SIPA1: variants seen among roughly 807,000 people sequenced by gnomAD.
SIPA1 encodes the protein signal-induced proliferation-associated 1.
SIPA1 carries 51 observed loss-of-function variants against 88.1 expected under a neutral mutation model. The ratio of observed to expected loss-of-function variants is 0.58; its 90% CI spans 0.46 to 0.73. The LOEUF (loss-of-function observed/expected upper bound fraction) is 0.73, where lower values mean the gene tolerates loss of function less well. Among genes scored for constraint, SIPA1 ranks in the 30% least tolerant of loss-of-function variants. SIPA1 has a pLI of 0.00. For missense variants in SIPA1, 1,348 were observed against 1,467.6 expected, an observed-to-expected ratio of 0.92 and a Z score of 1.33; for synonymous variants, 681 against 664.8, an observed-to-expected ratio of 1.02 and a Z score of -0.37.
rs1590916987 is a variant in SIPA1, at chr11:65,640,830, G to A, written c.-91-1G>A. 3 of 1,194,408 alleles carry A rather than the reference G, an allele frequency of 2.5e-6. No homozygotes were observed. Among genetic ancestry groups the A allele is most frequent in the Non-Finnish European group, 2.3e-6 (2 of 888,598 alleles). 74.0% of individuals were successfully genotyped at this position (1,194,408 alleles called of 1,614,324 possible). On this transcript the variant is annotated splice_acceptor_variant, in intron 1 of 15. Transcript: ENST00000534313. LOFTEE classifies it low-confidence loss of function (5UTR_SPLICE). The stretch of plus-strand genomic sequence containing the variant: ...CTCTGAGCAGCCCCCTCCTCCTTCA[G>A]GGCAGGAACTGCTGCCACAACCTCA...
intron 5 of SIPA1, 116 bp from the exon 6 acceptor site, chr11:65,645,738 T>C (rs1228706614): frequency 3.1e-6 from 2 of 645,732 alleles, no homozygotes; most frequent in South Asian, 2.1e-5. Flanking sequence ...GCATGACTGG[T>C]TGTCCACCTG....
chr11:65,650,320 T>C, intron 14 of SIPA1, 81 bp from the exon 15 acceptor site: 1 of 1,552,574 alleles, frequency 6.4e-7, no homozygotes, highest in South Asian at 1.1e-5. Context: ...GCGGGGCCCC[T>C]CTCATTAGCT....
chr11:65,645,955 CAGGTGTGAGGGGGA>C lies in SIPA1; in HGVS notation c.1262_1263+12del, dbSNP rs1162476060. On this transcript the variant is annotated splice_donor_variant and splice_donor_5th_base_variant and coding_sequence_variant and intron_variant, in exon 6 of 16. Transcript: ENST00000534313. LOFTEE classifies it high-confidence loss of function. ...GCCTTACACCCCTAATAACCAGCAG[CAGGTGTGAGGGGGA>C]CCAACGTGGGGGTGGGGCTTCCGGG... 6.2e-7 allele frequency: 1 copy of C among 1,609,346 alleles called. No individual in the cohort carries two copies.
At chr11:65,647,194 G>A (rs1216572248) in intron 8 of SIPA1, 129 bp downstream of exon 8, 3 of 1,409,644 alleles carry the variant, frequency 2.1e-6, no homozygotes, top group Admixed American at 6.0e-5. Context: ...AGCCAGCCCC[G>A]GGGCTTGGCA....
chr11:65,645,975 G>A lies in SIPA1; in HGVS notation c.1263+18G>A, dbSNP rs1315335807. The A allele has an allele frequency of 1.3e-6, 2 of 1,570,154 alleles. No homozygotes were observed. The highest frequency in any genetic ancestry group is 3.4e-5 in the Admixed American group (2 of 58,344). On this transcript the variant is annotated intron_variant, in intron 6 of 15. Coordinates refer to ENST00000534313, the MANE Select transcript of SIPA1 (RefSeq NM_006747.4). ...AGCAGCAGGTGTGAGGGGGACCAAC[G>A]TGGGGGTGGGGCTTCCGGGAACCAT...
At position 65,650,020 on chromosome 11, in the gene SIPA1, C is replaced by A; in HGVS notation, c.2817C>A (p.Cys939Ter). 6.2e-7 allele frequency: 1 copy of A among 1,613,968 alleles called. No homozygotes were observed. The highest frequency in any genetic ancestry group is 8.5e-7 in the Non-Finnish European group (1 of 1,179,990). Reference sequence around the variant, plus strand: ...CCATCTCGGAGATTGCCTCTACTTGCAACACCATTCTGGAGTCGCTGTCCC... The same window carrying A: ...CCATCTCGGAGATTGCCTCTACTTGAAACACCATTCTGGAGTCGCTGTCCC... ...WQAISEIAST[C>*]NTILESLSRE... The change falls in exon 13 of 16, where the codon TGC (cysteine) becomes TGA (stop). Residue 939 changes from cysteine to a stop codon, truncating the protein, a stop_gained. Coordinates refer to ENST00000534313, the MANE Select transcript of SIPA1 (RefSeq NM_006747.4). LOFTEE classifies it high-confidence loss of function.
rs760827950 is a variant in SIPA1, at chr11:65,646,448, C to T, written c.1422-8C>T. On this transcript the variant is annotated splice_region_variant and splice_polypyrimidine_tract_variant and intron_variant, in intron 7 of 15. Coordinates refer to ENST00000534313, the MANE Select transcript of SIPA1 (RefSeq NM_006747.4). The surrounding 1 kb of genome is among the most constrained non-coding windows in gnomAD (Gnocchi z 7.5). ...TGCCGCCCCTCACTAACGCCTCCCT[C>T]CCCGCAGGGTGGCCGTGAGCCGCAC... The T allele has an allele frequency of 2.5e-6, 4 of 1,589,300 alleles. No individual in the cohort carries two copies. Among genetic ancestry groups the T allele is most frequent in the East Asian group, 2.3e-5 (1 of 44,378 alleles).
chr11:65,646,757 CTGCAGGCAGCGGGCTCACTG>C lies in SIPA1; in HGVS notation c.1724_1743del (p.Leu575ArgfsTer202), dbSNP rs894037593. The C allele has an allele frequency of 6.7e-7, 1 of 1,496,236 alleles. No homozygotes were observed. The highest frequency in any genetic ancestry group is 1.4e-5 in the African/African-American group (1 of 70,308). 92.7% of individuals were successfully genotyped at this position (1,496,236 alleles called of 1,614,324 possible). A position where few individuals can be genotyped will look rare whatever the true frequency, so the allele number is the denominator to read the frequency against. ...GGCCCCTCGGGGCCCAGGCGCCGAGCTGCAGGCAGCGGGCTCACTGGTGTGGGGAGTGCGCGCGGCGCCCG... is the reference window on the plus strand; with the variant it reads ...GGCCCCTCGGGGCCCAGGCGCCGAGCGTGTGGGGAGTGCGCGCGGCGCCCG... On this transcript the variant is annotated frameshift_variant, in exon 8 of 16. Transcript: ENST00000534313. LOFTEE classifies it high-confidence loss of function. The surrounding 1 kb of genome is among the most constrained non-coding windows in gnomAD (Gnocchi z 7.5).
At position 65,645,892 on chromosome 11, in the gene SIPA1, C is replaced by G. The variant is rs1856101513; in HGVS notation, c.1198C>G (p.Gln400Glu). 6.2e-7 allele frequency: 1 copy of G among 1,613,594 alleles called. No individual in the cohort carries two copies. Among genetic ancestry groups the G allele is most frequent in the Admixed American group, 1.7e-5 (1 of 59,966 alleles). ...TGTHSLYTTY[Q>E]DHEIMFHVST... The stretch of plus-strand genomic sequence containing the variant: ...CACGCACTCCCTCTACACCACATAC[C>G]AGGACCACGAGATCATGTTCCACGT... Residue 400 changes from glutamine (Q) to glutamate (E), a missense_variant, in exon 6 of 16, where the codon CAG becomes GAG. Gln to Glu is a conservative substitution (Grantham distance 29). Transcript: ENST00000534313.
Position 65,646,722 on chromosome 11 carries a change from G to A in SIPA1, c.1688G>A (p.Arg563Lys). 1.3e-6 allele frequency: 2 copies of A among 1,533,900 alleles called. No individual in the cohort carries two copies. Among genetic ancestry groups the A allele is most frequent in the Non-Finnish European group, 1.7e-6 (2 of 1,143,104 alleles). ...SRFGLPSLGGRRRAAPRGPGA... is the reference protein window; with the variant it reads ...SRFGLPSLGGKRRAAPRGPGA... ...TTCGGCCTGCCCTCCCTGGGTGGGA[G>A]GCGCCGGGCGGCCCCTCGGGGCCCA... Residue 563 changes from arginine to lysine, a missense_variant, in exon 8 of 16, where the codon AGG becomes AAG. By Grantham distance (26) the Arg-to-Lys change is conservative (BLOSUM62 2). Coordinates refer to ENST00000534313, the MANE Select transcript of SIPA1 (RefSeq NM_006747.4). The surrounding 1 kb of genome is among the most constrained non-coding windows in gnomAD (Gnocchi z 7.5).
rs1268983757 is a variant in SIPA1 at position 65,641,660 on chromosome 11, CTGCAG to C, written c.679+65_679+69del. The C allele has an allele frequency of 5.7e-6, 8 of 1,412,724 alleles. No homozygotes were observed. In the Admixed American group the frequency reaches 1.5e-4, roughly 27 times the overall value. 87.5% of individuals were successfully genotyped at this position (1,412,724 alleles called of 1,614,324 possible). A position where few individuals can be genotyped will look rare whatever the true frequency, so the allele number is the denominator to read the frequency against. ...GGGCTGAAGAAGAGGTCCCTGTCACCTGCAGTGCACACAGTAGGGCTCATGAACTG... is the reference window on the plus strand; with the variant it reads ...GGGCTGAAGAAGAGGTCCCTGTCACCTGCACACAGTAGGGCTCATGAACTG... On this transcript the variant is annotated intron_variant, in intron 2 of 15. Transcript: ENST00000534313.
chr11:65,639,009 G>A (rs1176949182), intron 1 of SIPA1: 1 of 152,432 alleles, frequency 6.6e-6, no homozygotes, highest in East Asian at 1.9e-4. Flanking sequence ...CATGGAGCCA[G>A]GGGCTACACC....
In SIPA1 at chr11:65,650,536, G is replaced by A. The variant is rs768804783; in HGVS notation, c.2983-33G>A. The A allele has an allele frequency of 3.7e-6, 6 of 1,611,526 alleles. No homozygotes were observed. The African/African-American group carries it at 5.3e-5, about 14-fold the overall frequency. On this transcript the variant is annotated intron_variant, in intron 15 of 15. Coordinates refer to ENST00000534313, the MANE Select transcript of SIPA1 (RefSeq NM_006747.4). ...CAGGGCTGCCCCAGGAAAGGGGCTG[G>A]CGGCTCTGACTCCTGTCTCCCCGGC...
In SIPA1 at chr11:65,650,803, G is replaced by C. The variant is rs12420561; in HGVS notation, c.*88G>C. 4 of 1,351,858 alleles carry C rather than the reference G, an allele frequency of 3.0e-6. No homozygotes were observed. Among genetic ancestry groups the C allele is most frequent in the Non-Finnish European group, 2.9e-6 (3 of 1,018,816 alleles). The allele number at this position is 1,351,858 out of a possible 1,614,324, so 83.7% of individuals were successfully genotyped here. A position where few individuals can be genotyped will look rare whatever the true frequency, so the allele number is the denominator to read the frequency against. The stretch of plus-strand genomic sequence containing the variant: ...TCTCCCTGCGCAGAGGCGTGTCTTA[G>C]CACTGCCCCCCTCCCTAGCCCCTTA... On this transcript the variant is annotated 3_prime_UTR_variant, in exon 16 of 16. Transcript: ENST00000534313.
intron 14 of SIPA1, 85 bp from the exon 15 acceptor site, chr11:65,650,316 C>T: frequency 1.3e-6 from 2 of 1,549,738 alleles, no homozygotes; most frequent in Non-Finnish European, 1.8e-6. Context: ...ACCAGCGGGG[C>T]CCCTCTCATT....
chr11:65,650,089 G>T, intron 13 of SIPA1, 38 bp downstream of exon 13: 1 of 1,611,808 alleles, frequency 6.2e-7, no homozygotes, highest in Non-Finnish European at 8.5e-7. Flanking sequence ...CCTGGGCAGT[G>T]CTCTTGCCCC....
intron 5 of SIPA1, 37 bp from the exon 6 acceptor site, chr11:65,645,817 G>C (rs375102676): frequency 5.6e-5 from 84 of 1,502,584 alleles, no homozygotes; most frequent in East Asian, 7.0e-5. Context: ...GATTCCCCTT[G>C]TTTTCTCCTT....
In SIPA1 at chr11:65,646,059, C is replaced by A; in HGVS notation, c.1263+102C>A. The stretch of plus-strand genomic sequence containing the variant: ...TTGGCCGGAGCTCTGTTGGCCCCAA[C>A]AGCCCGCCCCTCTGGTGGCCCCTTC... On this transcript the variant is annotated intron_variant, in intron 6 of 15. Transcript: ENST00000534313. This position sits in a 1 kb window ranked among gnomAD's most constrained non-coding sequence, Gnocchi z 7.5. 4 of 1,247,680 alleles carry A rather than the reference C, an allele frequency of 3.2e-6. No homozygotes were observed. Among genetic ancestry groups the A allele is most frequent in the Non-Finnish European group, 4.6e-6 (4 of 879,064 alleles). The allele number at this position is 1,247,680 out of a possible 1,614,324, so 77.3% of individuals were successfully genotyped here.
chr11:65,639,507 G>A (rs780996130), intron 1 of SIPA1, among the ~76,000 whole-genome samples: 3 of 152,190 alleles, frequency 2.0e-5, no homozygotes, highest in Non-Finnish European at 4.4e-5. Flanking sequence ...CTGGGGAGCC[G>A]ACTCTTGCTT....
Sources: allele counts gnomAD v4.1 joint callset (sites outside exome capture counted in the v4.1 genomes callset), GRCh38; gene constraint gnomAD v4.1.1; non-coding constraint Gnocchi (gnomAD v3.1); transcripts MANE v1.5; gene names NCBI Gene and HGNC (gene_info 2026-07-23, HGNC 2026-07-21).